SLC41A1: variants seen among roughly 807,000 people sequenced by gnomAD.
SLC41A1 encodes the protein solute carrier family 41 (magnesium transporter), member 1.
A neutral mutation model predicts 47.3 loss-of-function variants in SLC41A1; 20 were observed. The observed-to-expected ratio is 0.42, with a 90% CI of 0.30 to 0.61. The LOEUF (loss-of-function observed/expected upper bound fraction) is 0.61, where lower values mean the gene tolerates loss of function less well. Ranked by LOEUF, SLC41A1 falls within the 20% of genes least tolerant of loss-of-function variation. The probability of loss-of-function intolerance (pLI) is 0.17; values close to 1 mark genes in which losing one functional copy is unlikely to be tolerated. For synonymous variants in SLC41A1, 282 were observed against 272.7 expected, an observed-to-expected ratio of 1.03 and a Z score of -0.34; for missense variants, 504 against 674.1, an observed-to-expected ratio of 0.75 and a Z score of 2.79.
intron 2 of SLC41A1, among the ~76,000 whole-genome samples, chr1:205,807,677 A>G (rs1418292180): frequency 6.3e-4 from 59 of 93,576 alleles, no homozygotes; most frequent in African/African-American, 2.2e-3. Flanking sequence ...TTTTTTTGAG[A>G]CAGCGTTTGG....
intron 2 of SLC41A1, 184 bp from the exon 3 acceptor site, chr1:205,801,244 A>C: frequency 1.7e-6 from 1 of 573,552 alleles, no homozygotes; most frequent in Non-Finnish European, 3.2e-6. Context: ...AAACAACACA[A>C]CCCCCCTTCC....
chr1:205,797,879 G>A (rs1179787125), intron 7 of SLC41A1, 25 bp downstream of exon 7: 1 of 1,613,706 alleles, frequency 6.2e-7, no homozygotes, highest in Non-Finnish European at 8.5e-7. Flanking sequence ...TGGGGTAGGA[G>A]TGGATACTCA....
intron 9 of SLC41A1, 95 bp from the exon 10 acceptor site, chr1:205,795,113 A>G: frequency 6.6e-7 from 1 of 1,526,260 alleles, no homozygotes; most frequent in Non-Finnish European, 9.0e-7. Context: ...ACCATACCCC[A>G]GGGCAACAGA....
At chr1:205,809,379 G>T (rs1656089375) in intron 2 of SLC41A1, among the ~76,000 whole-genome samples, 1 of 152,210 alleles carries the variant, frequency 6.6e-6, no homozygotes, top group African/African-American at 2.4e-5. Context: ...AGAATGACAG[G>T]TGAGGAGCAA....
At chr1:205,794,615 G>A (rs1655702399) in intron 10 of SLC41A1, among the ~76,000 whole-genome samples, 1 of 152,018 alleles carries the variant, frequency 6.6e-6, no homozygotes, top group African/African-American at 2.4e-5. Context: ...TACCACCCCT[G>A]GTCCATTCCT....
chr1:205,805,698 G>C (rs1571649085), intron 2 of SLC41A1, among the ~76,000 whole-genome samples: 1 of 152,252 alleles, frequency 6.6e-6, no homozygotes, highest in East Asian at 1.9e-4. Context: ...CTGGTATTCT[G>C]CAGGTGAGGG....
At position 205,795,887 on chromosome 1, in the gene SLC41A1, C is replaced by T. The variant is rs1655738879; in HGVS notation, c.1073-409G>A. 6 of 339,628 alleles carry T rather than the reference C, an allele frequency of 1.8e-5. 1 individual carries two copies. Among genetic ancestry groups the T allele is most frequent in the South Asian group, 1.5e-4 (6 of 39,240 alleles). 21.0% of individuals were successfully genotyped at this position (339,628 alleles called of 1,614,324 possible). ...GCCTTGCCTCACCGCCTCACCTCCT[C>T]TCCAATGCTCTGAGCAGACCCAGGC... is the stretch of plus-strand genomic sequence containing the variant. On this transcript the variant is annotated intron_variant, in intron 8 of 10. Coordinates refer to ENST00000367137, the MANE Select transcript of SLC41A1 (RefSeq NM_173854.6).
chr1:205,795,244 G>A (rs916927652), intron 9 of SLC41A1, 100 bp downstream of exon 9: 4 of 1,573,756 alleles, frequency 2.5e-6, no homozygotes, highest in Admixed American at 1.8e-5. Context: ...AGCAGAGAAG[G>A]AGAACCTGTG....
intron 10 of SLC41A1, among the ~76,000 whole-genome samples, chr1:205,793,750 G>A (rs1051715317): frequency 2.0e-5 from 3 of 152,220 alleles, no homozygotes; most frequent in African/African-American, 7.2e-5. Context: ...GGTGCAGACA[G>A]TGTGTACAGT....
chr1:205,793,582 G>A (rs1405600325), intron 10 of SLC41A1, among the ~76,000 whole-genome samples: 1 of 152,218 alleles, frequency 6.6e-6, no homozygotes, highest in Non-Finnish European at 1.5e-5. Flanking sequence ...GGGGTGAGGG[G>A]GCTGGAGGGA....
intron 10 of SLC41A1, among the ~76,000 whole-genome samples, chr1:205,792,794 T>C (rs1458633297): frequency 1.3e-5 from 2 of 152,224 alleles, no homozygotes; most frequent in African/African-American, 4.8e-5. Context: ...TGGGAGGTTT[T>C]ACCCTTGACT....
At position 205,813,012 on chromosome 1, in the gene SLC41A1, G is replaced by A. The variant is rs1656198992; in HGVS notation, c.-851C>T. 3.0e-6 allele frequency: 3 copies of A among 985,440 alleles called. No homozygotes were observed. The African/African-American group carries it at 5.2e-5, about 17-fold the overall frequency. 61.0% of individuals were successfully genotyped at this position (985,440 alleles called of 1,614,324 possible). On this transcript the variant is annotated 5_prime_UTR_variant, in exon 1 of 11. Coordinates refer to ENST00000367137, the MANE Select transcript of SLC41A1 (RefSeq NM_173854.6). ...ACATTTCGCTTCTGCGTTACAGCGA[G>A]GCCGCCGCTCCGCTTCCACGCGGGG...
intron 2 of SLC41A1, chr1:205,801,468 T>C (rs1655876750): frequency 3.3e-6 from 1 of 300,524 alleles, no homozygotes; most frequent in African/African-American, 2.2e-5. Flanking sequence ...CCAGTTTCTC[T>C]GTTGTCTCAG....
chr1:205,805,217 T>A (rs567460304), intron 2 of SLC41A1, among the ~76,000 whole-genome samples: 14 of 151,966 alleles, frequency 9.2e-5, no homozygotes, highest in Non-Finnish European at 2.1e-4. Flanking sequence ...AAGCCCCGAG[T>A]TGGCACTTGG....
At chr1:205,807,061 C>T (rs1656030082) in intron 2 of SLC41A1, among the ~76,000 whole-genome samples, 1 of 152,014 alleles carries the variant, frequency 6.6e-6, no homozygotes, top group Non-Finnish European at 1.5e-5. Context: ...GGTCTTGGGG[C>T]ACTTTCAGAT....
At position 205,796,936 on chromosome 1, in the gene SLC41A1, G is replaced by C. The variant is rs1369981675; in HGVS notation, c.1060C>G (p.Pro354Ala). 6.2e-7 allele frequency: 1 copy of C among 1,612,702 alleles called. No homozygotes were observed. Among genetic ancestry groups the C allele is most frequent in the Non-Finnish European group, 8.5e-7 (1 of 1,179,606 alleles). ...PNFAGMAVFTPVINGVGGNLV... is the reference protein window; with the variant it reads ...PNFAGMAVFTAVINGVGGNLV... ...GCCCAGACCTCACCATTAATCACAG[G>C]CGTGAAGACAGCCATCCCAGCAAAG... The change falls in exon 8 of 11, where the codon CCT becomes GCT. Residue 354 changes from proline (P) to alanine (A), a missense_variant. This residue lies in a region of SLC41A1 where 421 missense variants were observed against 601.6 expected (regional missense o/e 0.70). Coordinates refer to ENST00000367137, the MANE Select transcript of SLC41A1 (RefSeq NM_173854.6).
Position 205,790,554 on chromosome 1 carries a change from T to G in SLC41A1, c.*979A>C, listed in dbSNP as rs1655601763. On this transcript the variant is annotated 3_prime_UTR_variant, in exon 11 of 11. Coordinates refer to ENST00000367137, the MANE Select transcript of SLC41A1 (RefSeq NM_173854.6). The stretch of plus-strand genomic sequence containing the variant: ...AGGGTCCAAGGTGACCAAGTGATTA[T>G]GTCCTCAGGAGAAATGGCAGCAATG... The G allele has an allele frequency of 6.6e-6, 1 of 152,228 alleles. No individual in the cohort carries two copies. 9.4% of individuals were successfully genotyped at this position (152,228 alleles called of 1,614,324 possible).
At chr1:205,804,535 G>C (rs902345198) in intron 2 of SLC41A1, among the ~76,000 whole-genome samples, 6 of 152,096 alleles carry the variant, frequency 3.9e-5, no homozygotes, top group Admixed American at 3.3e-4. Context: ...CAGAGAGAAG[G>C]CAGCCCCAGT....
chr1:205,798,623 C>T (rs941612316), intron 6 of SLC41A1, 46 bp downstream of exon 6: 14 of 1,613,876 alleles, frequency 8.7e-6, no homozygotes, highest in Non-Finnish European at 1.2e-5. Flanking sequence ...ACCATCTCTC[C>T]CAACCCCACC....
Sources: gnomAD v4.1 joint callset for allele counts (sites outside exome capture counted in the v4.1 genomes callset) on GRCh38, gnomAD v4.1.1 for gene constraint, gnomAD v4.1.1 regional missense constraint, MANE v1.5 for transcripts, NCBI Gene and HGNC (gene_info 2026-07-23, HGNC 2026-07-21) for gene names.